ZNF600: variants seen among roughly 807,000 people sequenced by gnomAD.
ZNF600 encodes zinc finger protein KR-ZNF1.
In ZNF600, 4 loss-of-function variants were observed where a neutral mutation model predicts 7.3. That is an observed-to-expected ratio of 0.55 (90% confidence interval 0.27 to 1.25). The LOEUF is 1.25. Ranked by LOEUF, ZNF600 falls within the 50% of genes most tolerant of loss-of-function variation. The probability of loss-of-function intolerance (pLI) is 0.12; values close to 1 mark genes in which losing one functional copy is unlikely to be tolerated. For synonymous variants in ZNF600, 290 were observed against 308.9 expected (o/e 0.94, Z 0.64); for missense variants, 911 against 922.1 (o/e 0.99, Z 0.16).
chr19:52,807,388 G>A, the ZNF600 span, among the ~76,000 whole-genome samples: 10 of 152,264 alleles, frequency 6.6e-5, no homozygotes, highest in South Asian at 4.1e-4. Flanking sequence ...TGTGGACATC[G>A]AGCTCTCTTC....
chr19:52,782,173 A>T (rs1489209602), intron 1 of ZNF600, among the ~76,000 whole-genome samples: 6 of 152,078 alleles, frequency 3.9e-5, no homozygotes, highest in African/African-American at 1.4e-4. Flanking sequence ...CGCTGCACTG[A>T]GCTGTGATCC....
the ZNF600 span, among the ~76,000 whole-genome samples, chr19:52,814,882 G>T: frequency 6.8e-6 from 1 of 146,154 alleles, no homozygotes; most frequent in Non-Finnish European, 1.5e-5. Context: ...GCCAGACCTT[G>T]TCTCAAAATA....
At chr19:52,781,510 T>A (rs1341003158) in intron 1 of ZNF600, 46 bp from the exon 2 acceptor site, 2 of 152,242 alleles carry the variant, frequency 1.3e-5, no homozygotes, top group South Asian at 4.1e-4. Flanking sequence ...CTCACCCTTG[T>A]AATCCCAGCA....
the ZNF600 span, among the ~76,000 whole-genome samples, chr19:52,828,061 T>A: frequency 3.3e-5 from 5 of 152,068 alleles, no homozygotes; most frequent in Non-Finnish European, 5.9e-5. Context: ...TCTGTATTTT[T>A]ATTTTTTTGA....
chr19:52,800,424 T>TGG, the ZNF600 span: 1 of 1,613,502 alleles, frequency 6.2e-7, no homozygotes, highest in Non-Finnish European at 8.5e-7. Context: ...CCTGAAAACT[T>TGG]TGTCACATTC....
intron 1 of ZNF600, among the ~76,000 whole-genome samples, chr19:52,782,115 C>G (rs1281944113): frequency 6.6e-6 from 1 of 152,056 alleles, no homozygotes; most frequent in East Asian, 1.9e-4. Flanking sequence ...GTGGTCCCAG[C>G]TACTCCGGAG....
exon 4 of ZNF600, chr19:52,766,145 C>A: frequency 6.2e-7 from 1 of 1,614,028 alleles, no homozygotes; most frequent in Non-Finnish European, 8.5e-7. Flanking sequence ...GGTATGACCT[C>A]TGACTGAAGG....
chr19:52,782,807 G>A (rs888271549), intron 1 of ZNF600, among the ~76,000 whole-genome samples: 3 of 151,914 alleles, frequency 2.0e-5, no homozygotes, highest in Non-Finnish European at 4.4e-5. Context: ...CCCGAGAGCC[G>A]GAGGTTGCAG....
At chr19:52,806,272 C>T in the ZNF600 span, among the ~76,000 whole-genome samples, 1 of 152,114 alleles carries the variant, frequency 6.6e-6, no homozygotes, top group Non-Finnish European at 1.5e-5. Flanking sequence ...CGGCTCACTG[C>T]AACCTCTGCC....
intron 1 of ZNF600, among the ~76,000 whole-genome samples, chr19:52,783,957 C>A (rs930128441): frequency 5.3e-5 from 8 of 152,100 alleles, no homozygotes; most frequent in Non-Finnish European, 1.2e-4. Context: ...GCCAGTAATC[C>A]CAGCTACTCG....
At chr19:52,791,514 C>T (rs182941931), upstream of ZNF600, among the ~76,000 whole-genome samples, 52 of 152,306 alleles carry the variant, frequency 3.4e-4, 1 homozygote, top group Middle Eastern at 6.8e-3. Context: ...AGAGCCATGC[C>T]TGGCTCCTTT....
chr19:52,802,904 GCA>G, the ZNF600 span, among the ~76,000 whole-genome samples: 1 of 149,868 alleles, frequency 6.7e-6, no homozygotes, highest in East Asian at 2.0e-4. Flanking sequence ...TGGACTACAG[GCA>G]CACACCGCCA....
In ZNF600 at chr19:52,767,126, T is replaced by A. The variant is rs1168950994; in HGVS notation, c.837A>T (p.Arg279Ser). ...TGTAAGGTTTCTCTCCAGTGTGACA[T>A]CTACAATGGCATGTAAGGTATTGCT... The change falls in exon 4 of 4, where the codon AGA (arginine) becomes AGT (serine). Residue 279 changes from arginine to serine, a missense_variant. Transcript: ENST00000648973. 1.9e-6 allele frequency: 3 copies of A among 1,613,752 alleles called. No individual in the cohort carries two copies. In the African/African-American group the frequency reaches 4.0e-5, roughly 22 times the overall value.
At chr19:52,798,934 G>A in the ZNF600 span, 3 of 1,424,222 alleles carry the variant, frequency 2.1e-6, no homozygotes, top group South Asian at 1.2e-5. Context: ...CATTGCACTT[G>A]TAAGGTTTCT....
At chr19:52,773,954 G>T (rs1464626977) in intron 3 of ZNF600, among the ~76,000 whole-genome samples, 2 of 151,656 alleles carry the variant, frequency 1.3e-5, no homozygotes, top group East Asian at 2.0e-4. Context: ...CTGACCTCAG[G>T]TGATTCACCC....
chr19:52,804,162 T>G, the ZNF600 span, among the ~76,000 whole-genome samples: 115,876 of 151,762 alleles, frequency 0.76, 45,562 homozygotes, highest in Non-Finnish European at 0.87. Context: ...ACAGCAGGAA[T>G]ATGGCTGGTC....
Position 52,766,287 on chromosome 19 carries a change from C to A in ZNF600, c.1676G>T (p.Arg559Ile), listed in dbSNP as rs771090170. 1.2e-6 allele frequency: 2 copies of A among 1,614,094 alleles called. No individual in the cohort carries two copies. Among genetic ancestry groups the A allele is most frequent in the Non-Finnish European group, 1.7e-6 (2 of 1,180,016 alleles). Residue 559 changes from arginine to isoleucine, a missense_variant, in exon 4 of 4, where the codon AGA becomes ATA. Arg to Ile is a moderately conservative substitution (Grantham distance 97). Coordinates refer to ENST00000648973, the Ensembl canonical transcript of ZNF600. ...GTAAGGTTTCTCTCCACTATGAATT[C>A]TAGTATGTTTTGCCAGATAGGAATG...
chr19:52,791,898 C>T, the ZNF600 span, among the ~76,000 whole-genome samples: 4 of 152,248 alleles, frequency 2.6e-5, no homozygotes, highest in African/African-American at 9.6e-5. Context: ...CCTCACCTCT[C>T]TGTGGATCAC....
chr19:52,820,413 G>C, the ZNF600 span, among the ~76,000 whole-genome samples: 1 of 146,094 alleles, frequency 6.8e-6, no homozygotes, highest in Non-Finnish European at 1.5e-5. Flanking sequence ...CACCGCGCCC[G>C]GCCCTTATTT....
Sources: allele counts gnomAD v4.1 joint callset (sites outside exome capture counted in the v4.1 genomes callset), GRCh38; gene constraint gnomAD v4.1.1; transcripts MANE v1.5; gene names NCBI Gene and HGNC (gene_info 2026-07-23, HGNC 2026-07-21).